The following MYLK variants were observed in gnomAD, a reference collection of about 807,000 sequenced individuals.
MYLK encodes the protein myosin light chain kinase, also known as myosin light chain kinase, smooth muscle.
In MYLK, 106 loss-of-function variants were observed where a neutral mutation model predicts 203.4. The observed-to-expected ratio is 0.52, with a 90% CI of 0.45 to 0.61. The LOEUF is 0.61. Ranked by LOEUF, MYLK falls within the 20% of genes least tolerant of loss-of-function variation. MYLK has a pLI of 0.00. For synonymous variants in MYLK, 867 were observed against 959.5 expected, an observed-to-expected ratio of 0.90 and a Z score of 1.78; for missense variants, 2,072 against 2,442.3, an observed-to-expected ratio of 0.85 and a Z score of 3.20.
In MYLK at chr3:123,650,048, G is replaced by T. The variant is rs1173116633; in HGVS notation, c.4289-854C>A. 2.6e-5 allele frequency among the ~76,000 whole-genome samples: 4 copies of T among 152,172 alleles called. No individual in the cohort carries two copies. The East Asian group carries it at 7.7e-4, about 29-fold the overall frequency. On this transcript the variant is annotated intron_variant, in intron 24 of 33. Transcript: ENST00000360304. ...AGTGAACAGGGTCCGGGGAACAGGA[G>T]GGGTTCCCCGGAACAGGGGGGCATC...
At chr3:123,860,752 G>A (rs1461942723) in intron 2 of MYLK, among the ~76,000 whole-genome samples, 2 of 152,130 alleles carry the variant, frequency 1.3e-5, no homozygotes, top group Non-Finnish European at 2.9e-5. Flanking sequence ...GTTCTGTCTT[G>A]TTGCTTCTTC....
intron 27 of MYLK, among the ~76,000 whole-genome samples, chr3:123,643,944 C>T (rs1482125244): frequency 6.6e-6 from 1 of 152,250 alleles, no homozygotes; most frequent in Non-Finnish European, 1.5e-5. Context: ...GGTCCCACAA[C>T]CACCTGGAAT....
At chr3:123,744,446 T>C (rs893644520) in intron 5 of MYLK, among the ~76,000 whole-genome samples, 1 of 152,134 alleles carries the variant, frequency 6.6e-6, no homozygotes, top group Non-Finnish European at 1.5e-5. Flanking sequence ...AGATGTATTA[T>C]ATAAAAAAGA....
At chr3:123,815,436 C>T (rs17373884) in intron 3 of MYLK, among the ~76,000 whole-genome samples, 26,204 of 152,162 alleles carry the variant, frequency 0.17, 2,862 homozygotes, top group Non-Finnish European at 0.25. Flanking sequence ...ATCCAAGCTT[C>T]GAGAAGTCGT....
At chr3:123,752,167 A>T (rs995335784) in intron 5 of MYLK, among the ~76,000 whole-genome samples, 164 bp downstream of exon 5, 11 of 152,122 alleles carry the variant, frequency 7.2e-5, no homozygotes, top group Non-Finnish European at 1.3e-4. Flanking sequence ...GTTCGCAGGG[A>T]CCACATCTCT....
At chr3:123,709,658 G>A (rs2061612322) in intron 14 of MYLK, 98 bp downstream of exon 14, 1 of 1,506,994 alleles carries the variant, frequency 6.6e-7, no homozygotes, top group Non-Finnish European at 9.2e-7. Context: ...CTGATTTTCT[G>A]GTGGATCAAG....
At chr3:123,866,019 T>C (rs553311172) in intron 2 of MYLK, among the ~76,000 whole-genome samples, 1 of 152,278 alleles carries the variant, frequency 6.6e-6, no homozygotes, top group East Asian at 1.9e-4. Context: ...AGCCTTCAAG[T>C]TGTCTCAGTC....
Position 123,708,692 on chromosome 3 carries a change from C to T in MYLK, c.2140+6G>A, listed in dbSNP as rs374346618. On this transcript the variant is annotated splice_donor_region_variant and intron_variant, in intron 15 of 33. Transcript: ENST00000360304. ...TTCCCACTCGCTCTGAGTGGGTCAG[C>T]CTCACCTTGTACCGTGAGCACGGCC... The T allele has an allele frequency of 2.3e-5, 37 of 1,613,894 alleles. No homozygotes were observed. The highest frequency in any genetic ancestry group is 3.3e-4 in the Middle Eastern group (2 of 6,084).
At chr3:123,701,257 A>G (rs1209747179) in intron 17 of MYLK, among the ~76,000 whole-genome samples, 181 bp downstream of exon 17, 1 of 147,284 alleles carries the variant, frequency 6.8e-6, no homozygotes, top group African/African-American at 2.5e-5. Context: ...AAAAAAAAAA[A>G]TCACCCCCTC....
intron 2 of MYLK, among the ~76,000 whole-genome samples, chr3:123,854,609 G>A (rs1490625755): frequency 6.6e-6 from 1 of 152,096 alleles, no homozygotes; most frequent in Non-Finnish European, 1.5e-5. Flanking sequence ...TCCAAAAGGA[G>A]GGGGAGGGGC....
intron 11 of MYLK, among the ~76,000 whole-genome samples, chr3:123,729,481 A>G (rs1032356449): frequency 7.2e-5 from 11 of 152,244 alleles, no homozygotes; most frequent in Non-Finnish European, 8.8e-5. Context: ...CAATTAAAAC[A>G]TGGGTAAAGT....
intron 5 of MYLK, among the ~76,000 whole-genome samples, chr3:123,740,716 C>T (rs965237290): frequency 1.4e-4 from 22 of 152,178 alleles, no homozygotes; most frequent in Admixed American, 6.5e-5. Flanking sequence ...GGGCAAGGCG[C>T]TGCTATGCTA....
At position 123,721,640 on chromosome 3, in the gene MYLK, AC is replaced by A. The variant is rs144009301; in HGVS notation, c.1804+487del. On this transcript the variant is annotated intron_variant, in intron 13 of 33. Coordinates refer to ENST00000360304, the MANE Select transcript of MYLK (RefSeq NM_053025.4). ...TGGAAGCCTCAGTGTGCACGCTGTG[AC>A]CCAGGGTCCCCCAGCATGTAAGGGG... Among the ~76,000 whole-genome samples the A allele has an allele frequency of 8.5e-3, 1,284 of 151,842 alleles. 23 individuals carry two copies. The highest frequency in any genetic ancestry group is 0.027 in the African/African-American group (1,130 of 41,280).
chr3:123,748,751 T>C (rs1703494186), intron 5 of MYLK, among the ~76,000 whole-genome samples: 1 of 152,108 alleles, frequency 6.6e-6, no homozygotes, highest in African/African-American at 2.4e-5. Flanking sequence ...GCCTGGGCAA[T>C]ACGGTGAAAC....
At chr3:123,666,742 AACAG>A (rs1410287150) in intron 21 of MYLK, among the ~76,000 whole-genome samples, 4 of 152,252 alleles carry the variant, frequency 2.6e-5, no homozygotes, top group Non-Finnish European at 5.9e-5. Flanking sequence ...TCCAATGGAA[AACAG>A]ACAAGGGTTC....
At chr3:123,653,846 A>G (rs938438985) in intron 24 of MYLK, among the ~76,000 whole-genome samples, 1 of 152,174 alleles carries the variant, frequency 6.6e-6, no homozygotes, top group African/African-American at 2.4e-5. Flanking sequence ...TTTCCAGCCA[A>G]TGAACATCTT....
At chr3:123,796,686 T>C (rs2065000106) in intron 3 of MYLK, among the ~76,000 whole-genome samples, 1 of 152,086 alleles carries the variant, frequency 6.6e-6, no homozygotes, top group Non-Finnish European at 1.5e-5. Flanking sequence ...AATCCAAGAG[T>C]GCAAATTAAG....
Position 123,733,948 on chromosome 3 carries a change from C to A in MYLK, c.1048G>T (p.Ala350Ser), listed in dbSNP as rs532659627. 4 of 1,614,052 alleles carry A rather than the reference C, an allele frequency of 2.5e-6. No homozygotes were observed. Among genetic ancestry groups the A allele is most frequent in the Non-Finnish European group, 3.4e-6 (4 of 1,180,046 alleles). The change falls in exon 10 of 34, where the codon GCA becomes TCA. Residue 350 changes from alanine to serine, a missense_variant. Ala to Ser is a moderately conservative substitution (Grantham distance 99). Coordinates refer to ENST00000360304, the MANE Select transcript of MYLK (RefSeq NM_053025.4). ...KTSSSITLQA[A>S]RVQPEPRAPG... ...GCTCTTGGTTCCGGCTGAACTCTTG[C>A]GGCCTGCAGGGTGATGGAGCTGGAA...
intron 4 of MYLK, among the ~76,000 whole-genome samples, chr3:123,772,278 T>C (rs760541229): frequency 1.3e-5 from 2 of 152,182 alleles, no homozygotes; most frequent in Non-Finnish European, 1.5e-5. Flanking sequence ...GTTCACATAT[T>C]GACTAATGAA....
Sources: gnomAD v4.1 joint callset for allele counts (sites outside exome capture counted in the v4.1 genomes callset) on GRCh38, gnomAD v4.1.1 for gene constraint, MANE v1.5 for transcripts, NCBI Gene and HGNC (gene_info 2026-07-23, HGNC 2026-07-21) for gene names.